The following SLC47A2 variants were observed in gnomAD, a reference collection of about 807,000 sequenced individuals.
The protein encoded by SLC47A2 is solute carrier family 47 member 2, also known as multidrug and toxin extrusion protein 2.
Under a neutral mutation model 67.7 loss-of-function variants are expected in SLC47A2, and 52 were observed. The observed-to-expected ratio is 0.77, with a 90% CI of 0.61 to 0.97. The LOEUF is 0.97. SLC47A2 is among the 50% of genes least tolerant of loss of function. The pLI is 0.00. For synonymous variants in SLC47A2, 278 were observed against 292.9 expected (o/e 0.95, Z 0.52); for missense variants, 676 against 712.3 (o/e 0.95, Z 0.58).
intron 5 of SLC47A2, among the ~76,000 whole-genome samples, chr17:19,709,500 G>A (rs940900063): frequency 6.6e-6 from 1 of 152,124 alleles, no homozygotes; most frequent in African/African-American, 2.4e-5. Context: ...TCCTGGCTCT[G>A]CCTCTTCTGA....
chr17:19,691,270 A>C (rs1294897119), intron 13 of SLC47A2, among the ~76,000 whole-genome samples: 3 of 152,180 alleles, frequency 2.0e-5, no homozygotes, highest in Non-Finnish European at 4.4e-5. Flanking sequence ...AAAAGAAAGG[A>C]AATTAGTATA....
intron 10 of SLC47A2, 105 bp from the exon 11 acceptor site, chr17:19,704,283 A>T: frequency 1.2e-6 from 1 of 863,356 alleles, no homozygotes; most frequent in Non-Finnish European, 1.8e-6. Flanking sequence ...GGCAGAGCAG[A>T]TCTCAGGCAT....
At chr17:19,714,634 G>C in intron 3 of SLC47A2, 87 bp downstream of exon 3, 1 of 1,505,316 alleles carries the variant, frequency 6.6e-7, no homozygotes, top group Non-Finnish European at 9.2e-7. Context: ...ACCTGGCTGC[G>C]CCCCTCCCAC....
At chr17:19,716,353 G>A in intron 1 of SLC47A2, 80 bp downstream of exon 1, 1 of 1,495,932 alleles carries the variant, frequency 6.7e-7, no homozygotes, top group Non-Finnish European at 8.9e-7. Context: ...GCACATTTCT[G>A]GATCCTGCCT....
Position 19,704,221 on chromosome 17 carries a change from C to T in SLC47A2, c.910-43G>A, listed in dbSNP as rs554941576. 38 of 1,536,020 alleles carry T rather than the reference C, an allele frequency of 2.5e-5. No homozygotes were observed. In the South Asian group the frequency reaches 4.1e-4, roughly 16 times the overall value. ...AAAGCACTGTCAGTGGGCCCACCCT[C>T]CAACCCCTGAAGTCCTGAGCCAGCC... is the stretch of plus-strand genomic sequence containing the variant. On this transcript the variant is annotated intron_variant, in intron 10 of 16. Transcript: ENST00000433844.
At chr17:19,713,771 C>A (rs962071220) in intron 4 of SLC47A2, 54 bp downstream of exon 4, 29 of 1,575,208 alleles carry the variant, frequency 1.8e-5, no homozygotes, top group Non-Finnish European at 9.5e-6. Flanking sequence ...GGGTTTCCCT[C>A]GGCGGCCCGG....
intron 8 of SLC47A2, among the ~76,000 whole-genome samples, chr17:19,707,381 A>G (rs185319538): frequency 6.6e-6 from 1 of 152,308 alleles, no homozygotes; most frequent in East Asian, 1.9e-4. Flanking sequence ...AAATGGGGCT[A>G]ATGAGGTGGG....
chr17:19,704,763 C>T lies in SLC47A2; in HGVS notation c.910-585G>A, dbSNP rs1255263122. 23 of 1,403,864 alleles carry T rather than the reference C, an allele frequency of 1.6e-5. No homozygotes were observed. The South Asian group carries it at 2.4e-4, about 15-fold the overall frequency. The allele number at this position is 1,403,864 out of a possible 1,614,324, so 87.0% of individuals were successfully genotyped here. ...CCCATGGCCCTGCTGGGGACGCTGT[C>T]ACCCAGCTCTGGCCGACTGCAGTGT... On this transcript the variant is annotated intron_variant, in intron 10 of 16. Transcript: ENST00000433844.
chr17:19,681,202 G>C (rs183337797), intron 15 of SLC47A2, among the ~76,000 whole-genome samples, 165 bp downstream of exon 15: 23 of 151,884 alleles, frequency 1.5e-4, no homozygotes, highest in Admixed American at 1.2e-3. Context: ...GACAGAGTGA[G>C]ACTCCATCTC....
In SLC47A2 at chr17:19,713,895, G is replaced by C; in HGVS notation, c.373C>G (p.Pro125Ala). ...GTGTTGAGGAAGAGCGCCCAGCAAG[G>C]GAGGCAGCAGAGGAGCAGGACCAGC... ...GALVLLLCCL[P>A]CWALFLNTQH... The change falls in exon 4 of 17, where the codon CCT becomes GCT. Residue 125 changes from proline to alanine, a missense_variant. By Grantham distance (27) the Pro-to-Ala change is conservative. Coordinates refer to ENST00000433844, the MANE Select transcript of SLC47A2 (RefSeq NM_001099646.3). 1 of 1,613,892 alleles carries C rather than the reference G, an allele frequency of 6.2e-7. No individual in the cohort carries two copies. The highest frequency in any genetic ancestry group is 8.5e-7 in the Non-Finnish European group (1 of 1,179,926).
intron 12 of SLC47A2, 125 bp downstream of exon 12, chr17:19,702,967 C>A (rs1597619884): frequency 9.0e-7 from 1 of 1,110,948 alleles, no homozygotes; most frequent in Non-Finnish European, 1.3e-6. Flanking sequence ...TCAGTGAGAG[C>A]CAAGCCTGGG....
chr17:19,690,662 GAA>G (rs1315296074), intron 13 of SLC47A2, among the ~76,000 whole-genome samples: 6 of 152,136 alleles, frequency 3.9e-5, no homozygotes, highest in Non-Finnish European at 7.4e-5. Flanking sequence ...TTTCTCAAAA[GAA>G]GACATACAAA....
At chr17:19,718,513 G>T (rs1435224969), upstream of SLC47A2, 3 of 152,282 alleles carry the variant, frequency 2.0e-5, no homozygotes, top group Non-Finnish European at 2.9e-5. Context: ...ACAGGACAAA[G>T]GTCGGGTCAT....
At position 19,706,609 on chromosome 17, in the gene SLC47A2, G is replaced by A. The variant is rs554013113; in HGVS notation, c.841+39C>T. ...AGGGGGCTTCTGGGCTGGGTGAGCC[G>A]CCCACACGCCATTGCGCCCCCCATC... On this transcript the variant is annotated intron_variant, in intron 9 of 16. Transcript: ENST00000433844. 58 of 1,508,438 alleles carry A rather than the reference G, an allele frequency of 3.8e-5. No homozygotes were observed. In the East Asian group the frequency reaches 4.7e-4, roughly 12 times the overall value. 93.4% of individuals were successfully genotyped at this position (1,508,438 alleles called of 1,614,324 possible). A position where few individuals can be genotyped will look rare whatever the true frequency, so the allele number is the denominator to read the frequency against.
At chr17:19,704,826 T>A (rs1386312178) in intron 10 of SLC47A2, 1 of 525,058 alleles carries the variant, frequency 1.9e-6, no homozygotes, top group Non-Finnish European at 3.0e-6. Flanking sequence ...AATGTGCTTT[T>A]TTTTTTTTTT....
chr17:19,680,704 G>A (rs1042930745), intron 15 of SLC47A2, among the ~76,000 whole-genome samples: 3 of 152,246 alleles, frequency 2.0e-5, no homozygotes, highest in Admixed American at 2.0e-4. Flanking sequence ...AGGATGGTGG[G>A]CAGGGTGATT....
At chr17:19,692,248 GA>G (rs1458061416) in intron 13 of SLC47A2, 2 of 412,690 alleles carry the variant, frequency 4.8e-6, no homozygotes, top group African/African-American at 4.3e-5. Context: ...AAAAGAAAAA[GA>G]AAAGATCCAT....
chr17:19,698,644 T>C (rs754369409), intron 13 of SLC47A2, among the ~76,000 whole-genome samples: 2 of 152,174 alleles, frequency 1.3e-5, no homozygotes, highest in African/African-American at 2.4e-5. Flanking sequence ...CATGAGCCAC[T>C]GCACCCAGCC....
At chr17:19,705,034 C>G in intron 10 of SLC47A2, 1 of 328,106 alleles carries the variant, frequency 3.0e-6, no homozygotes, top group Non-Finnish European at 5.5e-6. Flanking sequence ...ACCATATTGC[C>G]CAGGTTGGTC....
Sources: allele counts gnomAD v4.1 joint callset (sites outside exome capture counted in the v4.1 genomes callset), GRCh38; gene constraint gnomAD v4.1.1; transcripts MANE v1.5; gene names NCBI Gene and HGNC (gene_info 2026-07-23, HGNC 2026-07-21).